Variants in CNGB3 observed in about 807,000 individuals in gnomAD.
The protein encoded by CNGB3 is cyclic nucleotide gated channel subunit beta 3, also known as cyclic nucleotide-gated channel beta-3.
CNGB3 carries 86 observed loss-of-function variants against 92.8 expected under a neutral mutation model. That is an observed-to-expected ratio of 0.93 (90% CI 0.78 to 1.11). The LOEUF (loss-of-function observed/expected upper bound fraction) is 1.11. Among genes scored for constraint, CNGB3 ranks in the 50% least tolerant of loss-of-function variants. The pLI is 0.00. For missense variants in CNGB3, 1,026 were observed against 956.8 expected (o/e 1.07, Z -0.95); for synonymous variants, 333 against 332.7 (o/e 1.00, Z -0.01).
intron 3 of CNGB3, among the ~76,000 whole-genome samples, chr8:86,688,873 C>T (rs1011960506): frequency 2.0e-5 from 3 of 151,632 alleles, no homozygotes; most frequent in Non-Finnish European, 4.4e-5. Flanking sequence ...TTCTCTTGTT[C>T]TTTAATATAG....
At chr8:86,687,156 T>G (rs1369686660) in intron 3 of CNGB3, among the ~76,000 whole-genome samples, 1 of 152,016 alleles carries the variant, frequency 6.6e-6, no homozygotes, top group Non-Finnish European at 1.5e-5. Context: ...GTGGAGTAAC[T>G]GGAACCCTCA....
At chr8:86,599,540 G>A (rs1350603470) in intron 15 of CNGB3, among the ~76,000 whole-genome samples, 2 of 152,148 alleles carry the variant, frequency 1.3e-5, no homozygotes, top group African/African-American at 4.8e-5. Flanking sequence ...GAGAAATATT[G>A]ATGAGTTCTT....
At chr8:86,605,831 A>C (rs1303309778) in intron 14 of CNGB3, among the ~76,000 whole-genome samples, 2 of 152,142 alleles carry the variant, frequency 1.3e-5, no homozygotes, top group East Asian at 3.9e-4. Context: ...AACATCAACT[A>C]TTGTTGCTTT....
chr8:86,715,616 C>G (rs982357410), intron 3 of CNGB3, among the ~76,000 whole-genome samples: 2 of 151,928 alleles, frequency 1.3e-5, no homozygotes, highest in African/African-American at 4.8e-5. Flanking sequence ...AAAGATCTCA[C>G]CAGCTCACCA....
At position 86,730,256 on chromosome 8, in the gene CNGB3, A is replaced by T. The variant is rs150319210; in HGVS notation, c.212-3599T>A. Among the ~76,000 whole-genome samples the T allele has an allele frequency of 3.5e-3, 536 of 152,346 alleles. 2 individuals are homozygous for T. Among genetic ancestry groups the T allele is most frequent in the Admixed American group, 5.9e-3 (91 of 15,306 alleles). On this transcript the variant is annotated intron_variant, in intron 2 of 17. Transcript: ENST00000320005. ...GAAATAAGTGATGTGGAAATCCATTAACCTTCCACATTTTATCAGTGACAT... is the reference window on the plus strand; with the variant it reads ...GAAATAAGTGATGTGGAAATCCATTTACCTTCCACATTTTATCAGTGACAT...
intron 6 of CNGB3, chr8:86,662,067 T>TGCC (rs1188863327): frequency 1.8e-5 from 5 of 275,022 alleles, no homozygotes; most frequent in Non-Finnish European, 2.7e-5. Context: ...GCTGTCCCCG[T>TGCC]GCCGCCGCCG....
intron 8 of CNGB3, among the ~76,000 whole-genome samples, chr8:86,645,667 T>A (rs1378511218): frequency 6.6e-6 from 1 of 151,326 alleles, no homozygotes; most frequent in Non-Finnish European, 1.5e-5. Flanking sequence ...TAGTAATGAC[T>A]ATTTAACTAG....
intron 3 of CNGB3, among the ~76,000 whole-genome samples, chr8:86,697,588 T>G (rs1039139394): frequency 6.6e-6 from 1 of 152,210 alleles, no homozygotes; most frequent in African/African-American, 2.4e-5. Context: ...TTAATTGGAC[T>G]TTAAAAAAAT....
intron 2 of CNGB3, among the ~76,000 whole-genome samples, chr8:86,735,127 AT>A (rs1825226369): frequency 1.2e-5 from 1 of 85,728 alleles, no homozygotes; most frequent in Non-Finnish European, 2.1e-5. Context: ...ACTCAATTTC[AT>A]TTTTAAAATG....
intron 14 of CNGB3, among the ~76,000 whole-genome samples, chr8:86,608,629 A>T (rs1225672578): frequency 6.6e-6 from 1 of 152,174 alleles, no homozygotes; most frequent in African/African-American, 2.4e-5. Context: ...TCCATCCTGT[A>T]CACCTAGCTC....
chr8:86,716,916 T>C (rs192155907), intron 3 of CNGB3, among the ~76,000 whole-genome samples: 98 of 152,300 alleles, frequency 6.4e-4, no homozygotes, highest in African/African-American at 2.3e-3. Context: ...ACTTAAAATA[T>C]ACAGAATGGC....
At chr8:86,634,179 C>T (rs924241858) in intron 10 of CNGB3, among the ~76,000 whole-genome samples, 2 of 152,088 alleles carry the variant, frequency 1.3e-5, no homozygotes, top group Non-Finnish European at 2.9e-5. Flanking sequence ...GGCATAAAAG[C>T]AATATCCATT....
chr8:86,664,877 A>G (rs1823711632), intron 6 of CNGB3, among the ~76,000 whole-genome samples: 1 of 151,996 alleles, frequency 6.6e-6, no homozygotes, highest in Non-Finnish European at 1.5e-5. Context: ...ATTGATGGAG[A>G]TATGGATGGC....
intron 10 of CNGB3, among the ~76,000 whole-genome samples, chr8:86,640,649 C>T (rs887022413): frequency 5.5e-4 from 83 of 151,986 alleles, no homozygotes; most frequent in African/African-American, 1.9e-3. Flanking sequence ...TGAGGTGTTG[C>T]GTGATTCTAG....
chr8:86,598,917 A>C (rs1416550003), intron 15 of CNGB3, among the ~76,000 whole-genome samples: 2 of 152,094 alleles, frequency 1.3e-5, no homozygotes, highest in Admixed American at 1.3e-4. Flanking sequence ...TCCTAGGATT[A>C]GGATGTGGAC....
chr8:86,681,330 T>G (rs1290995790), intron 3 of CNGB3, among the ~76,000 whole-genome samples: 16 of 152,174 alleles, frequency 1.1e-4, no homozygotes. Context: ...GATTTGAGAT[T>G]AGCTAAACTG....
intron 6 of CNGB3, among the ~76,000 whole-genome samples, chr8:86,666,573 A>C (rs1178340367): frequency 1.3e-5 from 2 of 152,176 alleles, no homozygotes; most frequent in Non-Finnish European, 2.9e-5. Context: ...AGTTAACTAG[A>C]ACAATAATGC....
At chr8:86,739,988 C>T (rs1361690276) in intron 1 of CNGB3, among the ~76,000 whole-genome samples, 1 of 152,164 alleles carries the variant, frequency 6.6e-6, no homozygotes, top group Non-Finnish European at 1.5e-5. Context: ...CACATTCCTT[C>T]AATTGTGGTC....
chr8:86,633,475 C>T (rs1281201399), intron 10 of CNGB3, among the ~76,000 whole-genome samples: 1 of 152,154 alleles, frequency 6.6e-6, no homozygotes, highest in Non-Finnish European at 1.5e-5. Flanking sequence ...CTTGGGCTTC[C>T]TCATAGCATG....
Sources: gnomAD v4.1 joint callset for allele counts (sites outside exome capture counted in the v4.1 genomes callset) on GRCh38, gnomAD v4.1.1 for gene constraint, MANE v1.5 for transcripts, NCBI Gene and HGNC (gene_info 2026-07-23, HGNC 2026-07-21) for gene names.